Variants in NFIA observed in about 807,000 individuals in gnomAD.
NFIA encodes nuclear factor I A.
Under a neutral mutation model 62.8 loss-of-function variants are expected in NFIA, and 8 were observed. The observed-to-expected ratio is 0.13, with a 90% confidence interval of 0.07 to 0.23. The LOEUF (loss-of-function observed/expected upper bound fraction) is 0.23. Among genes scored for constraint, NFIA ranks in the 10% least tolerant of loss-of-function variants. The pLI is 1.00. For missense variants in NFIA, 410 were observed against 642.1 expected, an observed-to-expected ratio of 0.64 and a Z score of 3.91; for synonymous variants, 235 against 238.1, an observed-to-expected ratio of 0.99 and a Z score of 0.12.
At chr1:61,081,894 G>A (rs1381062475), upstream of NFIA, 1 of 1,545,870 alleles carries the variant, frequency 6.5e-7, no homozygotes, top group Non-Finnish European at 8.7e-7. Flanking sequence ...ATTTCAGTGG[G>A]GGAAAAAAAG....
At chr1:61,292,840 G>T (rs1658975360) in intron 3 of NFIA, among the ~76,000 whole-genome samples, 1 of 152,126 alleles carries the variant, frequency 6.6e-6, no homozygotes, top group Admixed American at 6.6e-5. Flanking sequence ...GTGCATTTCT[G>T]GGGATGCTTA....
At chr1:61,239,399 T>G (rs1655200822) in intron 2 of NFIA, among the ~76,000 whole-genome samples, 1 of 152,210 alleles carries the variant, frequency 6.6e-6, no homozygotes, top group South Asian at 2.1e-4. Flanking sequence ...TTGAGTCTTT[T>G]CTATGAAATC....
chr1:61,192,689 C>T (rs1033559697), intron 2 of NFIA, among the ~76,000 whole-genome samples: 4 of 148,146 alleles, frequency 2.7e-5, no homozygotes, highest in Non-Finnish European at 4.4e-5. Context: ...GGTGACGGAG[C>T]GAGACTCTTG....
At chr1:61,299,117 A>G (rs991589707) in intron 3 of NFIA, among the ~76,000 whole-genome samples, 110 of 152,296 alleles carry the variant, frequency 7.2e-4, no homozygotes, top group African/African-American at 2.5e-3. Flanking sequence ...ATAGAAGCTA[A>G]AAAGAAGATG....
intron 2 of NFIA, among the ~76,000 whole-genome samples, chr1:61,195,861 A>G (rs1651954078): frequency 6.6e-6 from 1 of 152,152 alleles, no homozygotes; most frequent in African/African-American, 2.4e-5. Flanking sequence ...TGAGAAAGAA[A>G]TGTGACGTAT....
chr1:61,452,005 A>C (rs141329481), intron 10 of NFIA, among the ~76,000 whole-genome samples: 93 of 152,318 alleles, frequency 6.1e-4, no homozygotes, highest in Admixed American at 1.6e-3. Flanking sequence ...CCCAAGAAGA[A>C]AATATGCAGA....
rs945093128 is a variant in NFIA at position 61,457,940 on chromosome 1, T to A, written c.*2620T>A. 3 of 152,200 alleles carry A rather than the reference T, an allele frequency of 2.0e-5. No homozygotes were observed. The highest frequency in any genetic ancestry group is 4.8e-5 in the African/African-American group (2 of 41,464). 9.4% of individuals were successfully genotyped at this position (152,200 alleles called of 1,614,324 possible). The stretch of plus-strand genomic sequence containing the variant: ...ATAAAAAGTATATAATGCCCATTTT[T>A]ATATGCACGTTTTTAAACTTCCAAG... On this transcript the variant is annotated 3_prime_UTR_variant, in exon 11 of 11. Transcript: ENST00000403491. The surrounding 1 kb of genome is among the most constrained non-coding windows in gnomAD (Gnocchi z 4.2).
At chr1:61,365,394 TTC>T (rs1165501690) in intron 6 of NFIA, among the ~76,000 whole-genome samples, 1 of 152,168 alleles carries the variant, frequency 6.6e-6, no homozygotes, top group African/African-American at 2.4e-5. Context: ...TCTCCAACCG[TTC>T]TCTCTATGTT....
intron 2 of NFIA, among the ~76,000 whole-genome samples, chr1:61,236,902 A>C (rs1480848563): frequency 6.6e-6 from 1 of 152,220 alleles, no homozygotes; most frequent in Non-Finnish European, 1.5e-5. Context: ...AACCTCTTTG[A>C]AGCCATAGCC....
intron 3 of NFIA, among the ~76,000 whole-genome samples, chr1:61,290,918 T>TA (rs1488030162): frequency 2.0e-5 from 3 of 152,168 alleles, no homozygotes; most frequent in Admixed American, 6.5e-5. Flanking sequence ...CTCTTATACT[T>TA]ACAGAGACTC....
rs181229900 is a variant in NFIA, at chr1:61,342,452, A to T, written c.700+9866A>T. On this transcript the variant is annotated intron_variant, in intron 4 of 10. Coordinates refer to ENST00000403491, the MANE Select transcript of NFIA (RefSeq NM_001134673.4). ...AGATACTAAGCAGGTACCACATTTG[A>T]CCTCAACCAAAAGCTAAGACATGAT... 5.3e-5 allele frequency among the ~76,000 whole-genome samples: 8 copies of T among 152,276 alleles called. No homozygotes were observed. In the East Asian group the frequency reaches 1.5e-3, roughly 29 times the overall value.
chr1:61,249,736 C>T (rs543627137), intron 2 of NFIA, among the ~76,000 whole-genome samples: 14 of 152,134 alleles, frequency 9.2e-5, no homozygotes, highest in African/African-American at 2.7e-4. Context: ...ACCCGGGAGG[C>T]GGAGGTTGCA....
chr1:61,430,945 T>C (rs1667074940), intron 10 of NFIA, among the ~76,000 whole-genome samples: 1 of 152,108 alleles, frequency 6.6e-6, no homozygotes, highest in Non-Finnish European at 1.5e-5. Flanking sequence ...AGAACACCCA[T>C]CAATACTGAG....
chr1:61,307,073 A>G (rs1342690772), intron 3 of NFIA, among the ~76,000 whole-genome samples: 3 of 152,164 alleles, frequency 2.0e-5, no homozygotes, highest in Non-Finnish European at 4.4e-5. Context: ...GTCTTTAGGG[A>G]AAAAAACTTC....
At chr1:61,422,399 A>T (rs945297284) in intron 9 of NFIA, among the ~76,000 whole-genome samples, 1 of 152,220 alleles carries the variant, frequency 6.6e-6, no homozygotes, top group Non-Finnish European at 1.5e-5. Flanking sequence ...TTTCAACACC[A>T]TGTTCAGGTA....
chr1:61,422,784 T>G (rs1051271132), intron 9 of NFIA, among the ~76,000 whole-genome samples: 5 of 150,692 alleles, frequency 3.3e-5, no homozygotes, highest in Non-Finnish European at 1.5e-5. Flanking sequence ...GATGGATGAT[T>G]CCCCTACTAA....
At chr1:61,099,561 A>T (rs1240942663) in intron 2 of NFIA, among the ~76,000 whole-genome samples, 1 of 152,050 alleles carries the variant, frequency 6.6e-6, no homozygotes, top group Non-Finnish European at 1.5e-5. Flanking sequence ...TGCATTTTTT[A>T]AAAAAATTTT....
chr1:61,440,606 G>C (rs7529117), intron 10 of NFIA, among the ~76,000 whole-genome samples: 33 of 151,498 alleles, frequency 2.2e-4, no homozygotes, highest in African/African-American at 7.5e-4. Context: ...AAAAGAACAC[G>C]TATTTCTCTT....
intron 7 of NFIA, among the ~76,000 whole-genome samples, chr1:61,395,106 C>CAG (rs139029053): frequency 0.028 from 4,199 of 149,952 alleles, 78 homozygotes; most frequent in African/African-American, 0.043. Context: ...AACCCTGTCT[C>CAG]AGAGAGAGAG....
Sources: allele counts gnomAD v4.1 joint callset (sites outside exome capture counted in the v4.1 genomes callset), GRCh38; gene constraint gnomAD v4.1.1; non-coding constraint Gnocchi (gnomAD v3.1); transcripts MANE v1.5; gene names NCBI Gene and HGNC (gene_info 2026-07-23, HGNC 2026-07-21).